ELF2: variants seen among roughly 807,000 people sequenced by gnomAD.
ELF2 encodes ETS-related transcription factor Elf-2.
A neutral mutation model predicts 54.8 loss-of-function variants in ELF2; 11 were observed. The observed-to-expected ratio is 0.20, with a 90% CI of 0.13 to 0.33. ELF2 has a LOEUF of 0.33. ELF2 is among the 10% of genes least tolerant of loss of function. The probability of loss-of-function intolerance (pLI) is 1.00; values close to 1 mark genes in which losing one functional copy is unlikely to be tolerated. For missense variants in ELF2, 513 were observed against 703.0 expected, an observed-to-expected ratio of 0.73 and a Z score of 3.06; for synonymous variants, 203 against 245.1, an observed-to-expected ratio of 0.83 and a Z score of 1.61.
At chr4:139,119,828 G>A (rs1736131826) in intron 4 of ELF2, among the ~76,000 whole-genome samples, 1 of 152,046 alleles carries the variant, frequency 6.6e-6, no homozygotes. Context: ...AGGCTGGAGT[G>A]CAGTGGCATG....
At chr4:139,124,529 A>C (rs1560838780) in intron 4 of ELF2, among the ~76,000 whole-genome samples, 1 of 152,146 alleles carries the variant, frequency 6.6e-6, no homozygotes, top group Non-Finnish European at 1.5e-5. Context: ...ATTATTATGT[A>C]AGAGTCACTA....
At chr4:139,062,228 T>C (rs1578658290) in intron 7 of ELF2, 171 bp from the exon 8 acceptor site, 4 of 638,902 alleles carry the variant, frequency 6.3e-6, no homozygotes, top group East Asian at 6.5e-5. Flanking sequence ...TGGAGTGCAG[T>C]GGCACAATCT....
At chr4:139,084,465 T>A in intron 4 of ELF2, 1 of 688,834 alleles carries the variant, frequency 1.5e-6, no homozygotes, top group Non-Finnish European at 1.9e-6. Context: ...GCGGCGGCTG[T>A]GGCTGTGGCG....
intron 4 of ELF2, among the ~76,000 whole-genome samples, chr4:139,077,302 T>C (rs1048944499): frequency 6.6e-6 from 1 of 152,208 alleles, no homozygotes; most frequent in African/African-American, 2.4e-5. Flanking sequence ...TTTCAGATTT[T>C]AGAACACTCA....
Position 139,073,245 on chromosome 4 carries a change from G to C in ELF2, c.352+209C>G, listed in dbSNP as rs149660529. Among the ~76,000 whole-genome samples, 196 of 152,176 alleles carry C rather than the reference G, an allele frequency of 1.3e-3. 1 individual carries two copies. The highest frequency in any genetic ancestry group is 4.5e-3 in the African/African-American group (186 of 41,526). On this transcript the variant is annotated intron_variant, in intron 5 of 9. Coordinates refer to ENST00000686138, the MANE Select transcript of ELF2 (RefSeq NM_001331036.3). ...ATAAATATTTGTCTATCTATAGTGG[G>C]TATTTTCTGTATCATTTGTTATGAA... is the stretch of plus-strand genomic sequence containing the variant.
rs778590447 is a variant in ELF2 at position 139,060,387 on chromosome 4, C to T, written c.1094G>A (p.Gly365Glu). ...AGGAGACCTGGATGAAGCATCGTGC[C>T]CAGGGGAAGTGATATTCACAACTCT... ...VARVVNITSP[G>E]HDASSRSPTT... The change falls in exon 9 of 10, where the codon GGG becomes GAG. Residue 365 changes from glycine to glutamate, a missense_variant. Physicochemically the swap from Gly to Glu is moderately conservative, Grantham distance 98. This residue lies in a region of ELF2 where 291 missense variants were observed against 366.1 expected (regional missense o/e 0.79). Coordinates refer to ENST00000686138, the MANE Select transcript of ELF2 (RefSeq NM_001331036.3). The T allele has an allele frequency of 1.9e-6, 3 of 1,613,902 alleles. No homozygotes were observed. Among genetic ancestry groups the T allele is most frequent in the Non-Finnish European group, 2.5e-6 (3 of 1,180,002 alleles).
At chr4:139,169,615 T>C (rs1200134019) in intron 1 of ELF2, among the ~76,000 whole-genome samples, 2 of 152,280 alleles carry the variant, frequency 1.3e-5, no homozygotes, top group South Asian at 2.1e-4. Context: ...CCCAGCACTT[T>C]GGGAGGCCCA....
chr4:139,092,170 T>C (rs1405873942), intron 4 of ELF2, among the ~76,000 whole-genome samples: 2 of 151,412 alleles, frequency 1.3e-5, no homozygotes, highest in Non-Finnish European at 2.9e-5. Flanking sequence ...AAGACCAGCC[T>C]GGCAAACATG....
intron 4 of ELF2, among the ~76,000 whole-genome samples, chr4:139,124,556 A>T (rs1736715815): frequency 6.6e-6 from 1 of 152,226 alleles, no homozygotes; most frequent in African/African-American, 2.4e-5. Flanking sequence ...TTCTGATAAA[A>T]TACTCTATTT....
intron 4 of ELF2, among the ~76,000 whole-genome samples, chr4:139,093,571 A>G (rs1732910922): frequency 6.6e-6 from 1 of 152,210 alleles, no homozygotes; most frequent in South Asian, 2.1e-4. Flanking sequence ...AGCAACGCGA[A>G]GCAAAATGAT....
At chr4:139,093,781 T>C (rs948901549) in intron 4 of ELF2, among the ~76,000 whole-genome samples, 1 of 152,154 alleles carries the variant, frequency 6.6e-6, no homozygotes, top group African/African-American at 2.4e-5. Flanking sequence ...CAATTTCAAG[T>C]TGAAACTTCA....
At chr4:139,100,930 T>C (rs1218398693) in intron 4 of ELF2, among the ~76,000 whole-genome samples, 2 of 152,076 alleles carry the variant, frequency 1.3e-5, no homozygotes, top group Non-Finnish European at 1.5e-5. Flanking sequence ...ACATAGCTCA[T>C]GTAAAAAAAC....
At chr4:139,173,797 A>C (rs1172268390) in intron 1 of ELF2, among the ~76,000 whole-genome samples, 1 of 151,230 alleles carries the variant, frequency 6.6e-6, no homozygotes, top group Non-Finnish European at 1.5e-5. Flanking sequence ...AATTTTTTTA[A>C]TTAAAAAGGA....
chr4:139,169,118 C>T (rs546565689), intron 1 of ELF2, among the ~76,000 whole-genome samples: 2 of 151,790 alleles, frequency 1.3e-5, no homozygotes, highest in East Asian at 4.0e-4. Context: ...GAGGCCAGGG[C>T]AGGCAGATCA....
intron 4 of ELF2, among the ~76,000 whole-genome samples, chr4:139,109,618 C>A (rs1276749167): frequency 6.6e-6 from 1 of 152,198 alleles, no homozygotes; most frequent in East Asian, 1.9e-4. Context: ...CTTCACCCAG[C>A]ATTTTCTAAA....
chr4:139,154,128 T>G (rs1740295633), intron 1 of ELF2, among the ~76,000 whole-genome samples: 1 of 152,194 alleles, frequency 6.6e-6, no homozygotes, highest in African/African-American at 2.4e-5. Context: ...GTCATTTTCT[T>G]TGTGTTACAA....
chr4:139,142,094 G>C (rs755090702), intron 1 of ELF2, among the ~76,000 whole-genome samples: 1 of 152,090 alleles, frequency 6.6e-6, no homozygotes, highest in Non-Finnish European at 1.5e-5. Context: ...CTGCAGAGGA[G>C]AGAGAAAAAA....
intron 4 of ELF2, among the ~76,000 whole-genome samples, chr4:139,110,818 G>A (rs1263472120): frequency 1.3e-5 from 2 of 151,910 alleles, no homozygotes; most frequent in Non-Finnish European, 2.9e-5. Flanking sequence ...ACTTCTTTTT[G>A]GCAATTAAAA....
chr4:139,082,212 T>G (rs771433780), intron 4 of ELF2, among the ~76,000 whole-genome samples: 3 of 152,236 alleles, frequency 2.0e-5, no homozygotes, highest in Non-Finnish European at 4.4e-5. Context: ...TTCCGTGTGT[T>G]CGCAGCCACT....
Sources: allele counts gnomAD v4.1 joint callset (sites outside exome capture counted in the v4.1 genomes callset), GRCh38; gene constraint gnomAD v4.1.1; regional missense constraint gnomAD v4.1.1; transcripts MANE v1.5; gene names NCBI Gene and HGNC (gene_info 2026-07-23, HGNC 2026-07-21).